Variants in KIF16B observed in about 807,000 individuals in gnomAD.
KIF16B encodes the protein kinesin-like protein KIF16B.
In KIF16B, 98 loss-of-function variants were observed where a neutral mutation model predicts 156.3. The ratio of observed to expected loss-of-function variants is 0.63; its 90% confidence interval spans 0.53 to 0.74. KIF16B has a LOEUF of 0.74. KIF16B is among the 30% of genes least tolerant of loss of function. KIF16B has a pLI of 0.00. For synonymous variants in KIF16B, 564 were observed against 583.7 expected (o/e 0.97, Z 0.49); for missense variants, 1,421 against 1,606.5 (o/e 0.88, Z 1.97).
intron 12 of KIF16B, among the ~76,000 whole-genome samples, chr20:16,481,528 G>A (rs1395172519): frequency 6.6e-6 from 1 of 152,178 alleles, no homozygotes; most frequent in Non-Finnish European, 1.5e-5. Flanking sequence ...ACTGCTATAT[G>A]TGGTTTTGGA....
At position 16,524,402 on chromosome 20, in the gene KIF16B, C is replaced by A. The variant is rs568558655; in HGVS notation, c.231+1690G>T. Reference sequence around the variant, plus strand: ...CACTTCTCAAAAGAAGACATTTATGCAGCCAACAAACATACGAAAAAAAAG... The same window carrying A: ...CACTTCTCAAAAGAAGACATTTATGAAGCCAACAAACATACGAAAAAAAAG... On this transcript the variant is annotated intron_variant, in intron 3 of 25. Transcript: ENST00000354981. Among the ~76,000 whole-genome samples the A allele has an allele frequency of 2.0e-5, 3 of 152,254 alleles. No homozygotes were observed. The East Asian group carries it at 5.8e-4, about 29-fold the overall frequency.
chr20:16,542,725 G>A (rs2070252599), intron 1 of KIF16B, among the ~76,000 whole-genome samples: 1 of 152,162 alleles, frequency 6.6e-6, no homozygotes, highest in African/African-American at 2.4e-5. Flanking sequence ...TAGAAGAAGA[G>A]GTCAGAAAAG....
In KIF16B at chr20:16,561,666, C is replaced by T. The variant is rs766464091; in HGVS notation, c.47+11563G>A. On this transcript the variant is annotated intron_variant, in intron 1 of 25. Coordinates refer to ENST00000354981, the MANE Select transcript of KIF16B (RefSeq NM_024704.5). Reference sequence around the variant, plus strand: ...AACCCTGCAGATACCACCTTAACCACGTAATCAAGGTCAACATCACCAGTA... The same window carrying T: ...AACCCTGCAGATACCACCTTAACCATGTAATCAAGGTCAACATCACCAGTA... 1.5e-4 allele frequency among the ~76,000 whole-genome samples: 23 copies of T among 152,152 alleles called. No homozygotes were observed. In the East Asian group the frequency reaches 1.7e-3, roughly 11 times the overall value.
At chr20:16,356,492 C>T (rs1439989644) in intron 22 of KIF16B, 40 bp from the exon 23 acceptor site, 2 of 1,611,374 alleles carry the variant, frequency 1.2e-6, no homozygotes, top group African/African-American at 1.3e-5. Context: ...AAAGAGAAAC[C>T]AGAATCACTC....
chr20:16,566,798 A>G (rs1021749913), intron 1 of KIF16B, among the ~76,000 whole-genome samples: 1 of 152,238 alleles, frequency 6.6e-6, no homozygotes, highest in African/African-American at 2.4e-5. Context: ...TCTGTTGAGC[A>G]TTTGAAATGT....
At chr20:16,406,747 A>G (rs115986331) in intron 15 of KIF16B, among the ~76,000 whole-genome samples, 2 of 152,292 alleles carry the variant, frequency 1.3e-5, no homozygotes, top group Admixed American at 6.5e-5. Context: ...CTTAACAGAC[A>G]TATAATTAGA....
chr20:16,565,959 C>T (rs1432821408), intron 1 of KIF16B, among the ~76,000 whole-genome samples: 1 of 152,246 alleles, frequency 6.6e-6, no homozygotes, highest in African/African-American at 2.4e-5. Context: ...GAAGTGTGTA[C>T]ATGACGACGT....
At chr20:16,410,549 G>A (rs974724896) in intron 15 of KIF16B, among the ~76,000 whole-genome samples, 2 of 152,000 alleles carry the variant, frequency 1.3e-5, no homozygotes, top group Non-Finnish European at 2.9e-5. Flanking sequence ...TACACTTATA[G>A]AGAGTCCTGA....
At position 16,526,225 on chromosome 20, in the gene KIF16B, A is replaced by G. The variant is rs774336967; in HGVS notation, c.118-20T>C. 2 of 1,371,574 alleles carry G rather than the reference A, an allele frequency of 1.5e-6. No individual in the cohort carries two copies. Among genetic ancestry groups the G allele is most frequent in the South Asian group, 2.7e-5 (2 of 73,752 alleles). The allele number at this position is 1,371,574 out of a possible 1,614,324, so 85.0% of individuals were successfully genotyped here. A position where few individuals can be genotyped will look rare whatever the true frequency, so the allele number is the denominator to read the frequency against. The stretch of plus-strand genomic sequence containing the variant: ...TGGTATCTAGAAAGAAATGATTAGA[A>G]TAATAATGATAATGTAAAGAGCACT... On this transcript the variant is annotated intron_variant, in intron 2 of 25. Coordinates refer to ENST00000354981, the MANE Select transcript of KIF16B (RefSeq NM_024704.5).
At chr20:16,386,727 C>T (rs1020139850) in intron 17 of KIF16B, among the ~76,000 whole-genome samples, 2 of 151,904 alleles carry the variant, frequency 1.3e-5, no homozygotes, top group Non-Finnish European at 2.9e-5. Flanking sequence ...GAAAGGGTAG[C>T]GCCATAGCTG....
intron 12 of KIF16B, among the ~76,000 whole-genome samples, chr20:16,484,594 A>C (rs1471541858): frequency 6.6e-6 from 1 of 152,210 alleles, no homozygotes; most frequent in Non-Finnish European, 1.5e-5. Flanking sequence ...CTCTTGTTTT[A>C]AGAACAAGGA....
chr20:16,570,114 A>G (rs2071401551), intron 1 of KIF16B, among the ~76,000 whole-genome samples: 1 of 152,194 alleles, frequency 6.6e-6, no homozygotes. Context: ...CTTGCATAAT[A>G]ATCCACCAAA....
At chr20:16,447,383 G>A (rs1049877785) in intron 12 of KIF16B, among the ~76,000 whole-genome samples, 7 of 151,756 alleles carry the variant, frequency 4.6e-5, no homozygotes, top group African/African-American at 9.7e-5. Context: ...TCTGCAGATC[G>A]TGGGGCGTGG....
At chr20:16,281,437 T>C (rs2063144801) in intron 25 of KIF16B, among the ~76,000 whole-genome samples, 1 of 152,208 alleles carries the variant, frequency 6.6e-6, no homozygotes. Flanking sequence ...GGGATGTTTC[T>C]AGACCTGAAA....
At chr20:16,404,280 A>G (rs2065726377) in intron 17 of KIF16B, among the ~76,000 whole-genome samples, 1 of 152,166 alleles carries the variant, frequency 6.6e-6, no homozygotes, top group Non-Finnish European at 1.5e-5. Context: ...CATTTTATTG[A>G]TGAAGCACTA....
intron 12 of KIF16B, among the ~76,000 whole-genome samples, chr20:16,440,531 G>GCA (rs1289246735): frequency 3.6e-3 from 290 of 79,454 alleles, no homozygotes; most frequent in Non-Finnish European, 5.2e-3. Flanking sequence ...ACACAAGCGC[G>GCA]CGCACACACA....
At chr20:16,338,413 C>A (rs1383476939) in intron 23 of KIF16B, among the ~76,000 whole-genome samples, 1 of 152,142 alleles carries the variant, frequency 6.6e-6, no homozygotes, top group Non-Finnish European at 1.5e-5. Context: ...TTCCCCAATT[C>A]CTTGAAGGTT....
chr20:16,507,915 A>C (rs746506233), intron 7 of KIF16B, 43 bp downstream of exon 7: 17 of 1,610,046 alleles, frequency 1.1e-5, no homozygotes, highest in African/African-American at 2.7e-5. Flanking sequence ...CAGCAAGTAA[A>C]GACCTCAGGG....
intron 12 of KIF16B, among the ~76,000 whole-genome samples, chr20:16,454,056 A>G (rs570232935): frequency 1.1e-4 from 17 of 152,216 alleles, no homozygotes; most frequent in Admixed American, 2.0e-4. Flanking sequence ...AAACAGAGAA[A>G]TCTTGGGGCG....
Sources: gnomAD v4.1 joint callset for allele counts (sites outside exome capture counted in the v4.1 genomes callset) on GRCh38, gnomAD v4.1.1 for gene constraint, MANE v1.5 for transcripts, NCBI Gene and HGNC (gene_info 2026-07-23, HGNC 2026-07-21) for gene names.